The following CLSTN3 variants were observed in gnomAD, a reference collection of about 807,000 sequenced individuals.
The protein encoded by CLSTN3 is calsyntenin 3, also known as calsyntenin-3.
A neutral mutation model predicts 95.9 loss-of-function variants in CLSTN3; 36 were observed. The observed-to-expected ratio is 0.38, with a 90% CI of 0.29 to 0.50. The LOEUF is 0.50. CLSTN3 is among the 20% of genes least tolerant of loss of function. The pLI, the probability that CLSTN3 is intolerant of heterozygous loss-of-function variation, is 0.95. For missense variants in CLSTN3, 1,084 were observed against 1,268.8 expected, an observed-to-expected ratio of 0.85 and a Z score of 2.21; for synonymous variants, 481 against 504.0, an observed-to-expected ratio of 0.95 and a Z score of 0.61.
At position 7,158,212 on chromosome 12, in the gene CLSTN3, A is replaced by C; in HGVS notation, c.*131A>C. On this transcript the variant is annotated 3_prime_UTR_variant, in exon 18 of 18. Transcript: ENST00000266546. ...AGGCTTCAGAACCAGTCCTCCTTTCATTTCAAAACCCCAGCGGGCCCTCTG... is the reference window on the plus strand; with the variant it reads ...AGGCTTCAGAACCAGTCCTCCTTTCCTTTCAAAACCCCAGCGGGCCCTCTG... 1 of 1,182,074 alleles carries C rather than the reference A, an allele frequency of 8.5e-7. No individual in the cohort carries two copies. Among genetic ancestry groups the C allele is most frequent in the South Asian group, 1.8e-5 (1 of 54,818 alleles). 73.2% of individuals were successfully genotyped at this position (1,182,074 alleles called of 1,614,324 possible).
In CLSTN3 at chr12:7,137,395, T is replaced by A; in HGVS notation, c.1210+285T>A. 1 of 406,746 alleles carries A rather than the reference T, an allele frequency of 2.5e-6. No homozygotes were observed. The highest frequency in any genetic ancestry group is 4.5e-6 in the Non-Finnish European group (1 of 220,080). The allele number at this position is 406,746 out of a possible 1,614,324, so 25.2% of individuals were successfully genotyped here. A position where few individuals can be genotyped will look rare whatever the true frequency, so the allele number is the denominator to read the frequency against. On this transcript the variant is annotated intron_variant, in intron 7 of 17. Transcript: ENST00000266546. The surrounding 1 kb of genome is among the most constrained non-coding windows in gnomAD (Gnocchi z 4.4). ...TGTGGTAGGCTGTCCCCACCCCCCA[T>A]CTCCACCTCCATTAAAGCCCCTCCA...
intron 16 of CLSTN3, among the ~76,000 whole-genome samples, chr12:7,151,827 A>G (rs761462242): frequency 6.6e-6 from 1 of 152,276 alleles, no homozygotes; most frequent in African/African-American, 2.4e-5. Context: ...CTGAGTCAGG[A>G]GGCTCACTTG....
rs141591357 is a variant in CLSTN3, at chr12:7,156,338, C to CTG, written c.2528-1138_2528-1137dup. 8.1e-5 allele frequency: 37 copies of CTG among 455,448 alleles called. No individual in the cohort carries two copies. In the Middle Eastern group the frequency reaches 2.6e-3, roughly 32 times the overall value. The allele number at this position is 455,448 out of a possible 1,614,324, so 28.2% of individuals were successfully genotyped here. A position where few individuals can be genotyped will look rare whatever the true frequency, so the allele number is the denominator to read the frequency against. Reference sequence around the variant, plus strand: ...TTTCTTCCTTGTGCTTCTTCGAGAGCTGTGTGTGTGTGTGCAGGAGGCAGG... The same window carrying CTG: ...TTTCTTCCTTGTGCTTCTTCGAGAGCTGTGTGTGTGTGTGTGCAGGAGGCAGG... On this transcript the variant is annotated intron_variant, in intron 16 of 17. Coordinates refer to ENST00000266546, the MANE Select transcript of CLSTN3 (RefSeq NM_014718.4).
At chr12:7,152,469 C>T (rs916249446) in intron 16 of CLSTN3, among the ~76,000 whole-genome samples, 1 of 152,142 alleles carries the variant, frequency 6.6e-6, no homozygotes, top group African/African-American at 2.4e-5. Flanking sequence ...AAACATTAAA[C>T]CCACTCTCAA....
At chr12:7,154,455 T>C (rs545232047) in intron 16 of CLSTN3, among the ~76,000 whole-genome samples, 1 of 152,128 alleles carries the variant, frequency 6.6e-6, no homozygotes, top group Non-Finnish European at 1.5e-5. Context: ...GATTTTTGGA[T>C]GGGTGTGAGA....
rs2135799613 is a variant in CLSTN3 at position 7,137,670 on chromosome 12, C to T, written c.1211-285C>T. 6.6e-6 allele frequency among the ~76,000 whole-genome samples: 1 copy of T among 151,864 alleles called. No individual in the cohort carries two copies. Among genetic ancestry groups the T allele is most frequent in the South Asian group, 2.1e-4 (1 of 4,810 alleles). On this transcript the variant is annotated intron_variant, in intron 7 of 17. Coordinates refer to ENST00000266546, the MANE Select transcript of CLSTN3 (RefSeq NM_014718.4). This position sits in a 1 kb window ranked among gnomAD's most constrained non-coding sequence, Gnocchi z 4.4. Reference sequence around the variant, plus strand: ...TATTAACCAAAGGACTGATGAAGAGCTGGTGATGGAGTGGGCCAGCTGATG... The same window carrying T: ...TATTAACCAAAGGACTGATGAAGAGTTGGTGATGGAGTGGGCCAGCTGATG...
chr12:7,131,511 G>GA (rs1258894970), intron 1 of CLSTN3, among the ~76,000 whole-genome samples: 5 of 152,126 alleles, frequency 3.3e-5, no homozygotes, highest in Admixed American at 6.5e-5. Context: ...GGTGGAGGCA[G>GA]AAAAAAGAGG....
chr12:7,140,965 T>C (rs757060321), intron 8 of CLSTN3, among the ~76,000 whole-genome samples: 3 of 152,212 alleles, frequency 2.0e-5, no homozygotes, highest in Non-Finnish European at 4.4e-5. Context: ...GCAGGGAATT[T>C]ATTCATGAAA....
intron 16 of CLSTN3, among the ~76,000 whole-genome samples, chr12:7,154,196 C>T (rs1939778963): frequency 6.6e-6 from 1 of 152,222 alleles, no homozygotes. Context: ...AAGGTGCTCC[C>T]TCCCTTTCAC....
At chr12:7,136,685 C>G (rs1477081021) in intron 6 of CLSTN3, 144 bp from the exon 7 acceptor site, 3 of 898,744 alleles carry the variant, frequency 3.3e-6, no homozygotes, top group South Asian at 1.5e-5. Context: ...GTTCATCCCT[C>G]TCTTGTCTTT....
chr12:7,143,169 G>A lies in CLSTN3; in HGVS notation c.1705G>A (p.Val569Met), dbSNP rs747707426. Residue 569 changes from valine to methionine, a missense_variant, in exon 12 of 18, where the codon GTG becomes ATG. By Grantham distance (21) the Val-to-Met change is conservative. Transcript: ENST00000266546. ...ESLGKGMKVH[V>M]NPSQSLLTLE... Reference sequence around the variant, plus strand: ...ATCTGTGTCTGGGGCCCAGGTCCACGTGAACCCCTCACAGTCCCTGCTCAC... The same window carrying A: ...ATCTGTGTCTGGGGCCCAGGTCCACATGAACCCCTCACAGTCCCTGCTCAC... The A allele has an allele frequency of 2.5e-6, 4 of 1,613,226 alleles. No individual in the cohort carries two copies. The highest frequency in any genetic ancestry group is 2.2e-5 in the East Asian group (1 of 44,870).
In CLSTN3 at chr12:7,133,509, G is replaced by C. The variant is rs934250256; in HGVS notation, c.188-64G>C. ...GGAGAGGTGGAGCTGGACCCCAGGT[G>C]GGGAGACTGAGGGTGGGGAAGGAGA... On this transcript the variant is annotated intron_variant, in intron 2 of 17. Coordinates refer to ENST00000266546, the MANE Select transcript of CLSTN3 (RefSeq NM_014718.4). This position sits in a 1 kb window ranked among gnomAD's most constrained non-coding sequence, Gnocchi z 4.7. The C allele has an allele frequency of 2.6e-6, 4 of 1,516,548 alleles. No individual in the cohort carries two copies. Among genetic ancestry groups the C allele is most frequent in the Non-Finnish European group, 3.7e-6 (4 of 1,095,732 alleles). 93.9% of individuals were successfully genotyped at this position (1,516,548 alleles called of 1,614,324 possible).
intron 12 of CLSTN3, among the ~76,000 whole-genome samples, chr12:7,147,257 G>C (rs1395763236): frequency 1.3e-5 from 2 of 151,612 alleles, no homozygotes; most frequent in African/African-American, 4.8e-5. Context: ...GACTTGGGCG[G>C]TGTGTGGTGG....
At position 7,145,523 on chromosome 12, in the gene CLSTN3, A is replaced by C. The variant is rs1169390557; in HGVS notation, c.1847+2212A>C. 2.0e-5 allele frequency among the ~76,000 whole-genome samples: 3 copies of C among 150,320 alleles called. No individual in the cohort carries two copies. The East Asian group carries it at 5.8e-4, about 29-fold the overall frequency. Reference sequence around the variant, plus strand: ...TGTCTATTTAAAGCCAGATTTATGCAACTATTTGGTCAATGCCTAAATGCA... The same window carrying C: ...TGTCTATTTAAAGCCAGATTTATGCCACTATTTGGTCAATGCCTAAATGCA... On this transcript the variant is annotated intron_variant, in intron 12 of 17. Transcript: ENST00000266546.
chr12:7,156,053 G>C, intron 16 of CLSTN3: 1 of 356,914 alleles, frequency 2.8e-6, no homozygotes, highest in Admixed American at 3.8e-5. Context: ...GGACGGGGCT[G>C]GAATGCGATG....
chr12:7,153,273 C>T (rs1303657383), intron 16 of CLSTN3, among the ~76,000 whole-genome samples: 1 of 152,106 alleles, frequency 6.6e-6, no homozygotes, highest in Non-Finnish European at 1.5e-5. Context: ...CCTGCCTTAG[C>T]CCCCTGAGGA....
intron 16 of CLSTN3, chr12:7,156,364 C>T: frequency 2.2e-6 from 1 of 456,880 alleles, no homozygotes; most frequent in Non-Finnish European, 4.4e-6. Flanking sequence ...AGGAGGCAGG[C>T]AGGGCTGTGC....
At chr12:7,148,006 T>C (rs1040902627) in intron 12 of CLSTN3, among the ~76,000 whole-genome samples, 2 of 151,888 alleles carry the variant, frequency 1.3e-5, no homozygotes, top group Non-Finnish European at 2.9e-5. Flanking sequence ...AATACAAAAA[T>C]TAGCCGGGTG....
Position 7,149,690 on chromosome 12 carries a change from G to C in CLSTN3, c.2242G>C (p.Ala748Pro), listed in dbSNP as rs1444046528. 1 of 1,612,918 alleles carries C rather than the reference G, an allele frequency of 6.2e-7. No individual in the cohort carries two copies. Among genetic ancestry groups the C allele is most frequent in the Non-Finnish European group, 8.5e-7 (1 of 1,179,200 alleles). Residue 748 changes from alanine (A) to proline (P), a missense_variant, in exon 14 of 18, where the codon GCT becomes CCT. By Grantham distance (27) the Ala-to-Pro change is conservative. Transcript: ENST00000266546. The surrounding 1 kb of genome is among the most constrained non-coding windows in gnomAD (Gnocchi z 4.5). ...CAACACATCTGCCTACCTCACTATT[G>C]CTGGTCAGTGGGGCCTGAGGGCCTG... ...LTNTSAYLTI[A>P]GVESITVYEE...
Sources: allele counts gnomAD v4.1 joint callset (sites outside exome capture counted in the v4.1 genomes callset), GRCh38; gene constraint gnomAD v4.1.1; non-coding constraint Gnocchi (gnomAD v3.1); transcripts MANE v1.5; gene names NCBI Gene and HGNC (gene_info 2026-07-23, HGNC 2026-07-21).